The following NINL variants were observed in gnomAD, a reference collection of about 807,000 sequenced individuals.
NINL encodes the protein ninein like.
Under a neutral mutation model 160.3 loss-of-function variants are expected in NINL, and 153 were observed. The ratio of observed to expected loss-of-function variants is 0.95; its 90% CI spans 0.84 to 1.09. The LOEUF (loss-of-function observed/expected upper bound fraction) is 1.09, where lower values mean the gene tolerates loss of function less well. Among genes scored for constraint, NINL ranks in the 50% least tolerant of loss-of-function variants. NINL has a pLI of 0.00. For missense variants in NINL, 1,829 were observed against 1,764.0 expected, an observed-to-expected ratio of 1.04 and a Z score of -0.66; for synonymous variants, 800 against 734.8, an observed-to-expected ratio of 1.09 and a Z score of -1.43.
intron 14 of NINL, among the ~76,000 whole-genome samples, chr20:25,481,571 C>G (rs1373186882): frequency 6.6e-6 from 1 of 152,220 alleles, no homozygotes; most frequent in Non-Finnish European, 1.5e-5. Context: ...GCTACCACAT[C>G]ACCCAGAAGC....
rs1269575065 is a variant in NINL at position 25,479,174 on chromosome 20, C to T, written c.1950G>A (p.Leu650=). 1 of 1,611,026 alleles carries T rather than the reference C, an allele frequency of 6.2e-7. No individual in the cohort carries two copies. The change falls in exon 16 of 24, where the codon CTG becomes CTA. Residue 650 remains leucine, a synonymous_variant. Transcript: ENST00000278886. The part of the protein sequence containing the change: ...VNYYEREIAA[L]KRNFEKERKD... ...TCCTCTCCTTCTCAAAGTTCCTTTT[C>T]AGTGCCGCAATTTCCCTTTCGTAGT...
intron 8 of NINL, among the ~76,000 whole-genome samples, chr20:25,500,254 C>T (rs912192355): frequency 6.6e-6 from 1 of 152,228 alleles, no homozygotes; most frequent in African/African-American, 2.4e-5. Context: ...GGCCTGCATC[C>T]CTCTGGGAAG....
At chr20:25,455,385 A>G (rs1021963297) in intron 23 of NINL, among the ~76,000 whole-genome samples, 17 of 152,208 alleles carry the variant, frequency 1.1e-4, no homozygotes, top group Admixed American at 5.2e-4. Context: ...TCTCAGGTCT[A>G]CCTGGGAAAG....
rs757751638 is a variant in NINL at position 25,462,478 on chromosome 20, C to T, written c.3487G>A (p.Ala1163Thr). The change falls in exon 20 of 24, where the codon GCT becomes ACT. Residue 1163 changes from alanine to threonine, a missense_variant. Physicochemically the swap from Ala to Thr is moderately conservative, Grantham distance 58. Transcript: ENST00000278886. ...NVRVLQLGQEASTHQAQNEEH... is the reference protein window; with the variant it reads ...NVRVLQLGQETSTHQAQNEEH... Reference sequence around the variant, plus strand: ...TCGTTTTGGGCCTGGTGGGTAGAAGCCTCCTGTCCCAGTTGAAGAACCCTG... The same window carrying T: ...TCGTTTTGGGCCTGGTGGGTAGAAGTCTCCTGTCCCAGTTGAAGAACCCTG... The T allele has an allele frequency of 4.3e-6, 7 of 1,614,052 alleles. No homozygotes were observed. The African/African-American group carries it at 8.0e-5, about 18-fold the overall frequency.
At chr20:25,547,376 C>A (rs1297340769) in intron 1 of NINL, among the ~76,000 whole-genome samples, 1 of 152,160 alleles carries the variant, frequency 6.6e-6, no homozygotes, top group Non-Finnish European at 1.5e-5. Flanking sequence ...TTTCCTTGAG[C>A]TTTGCAAGCC....
chr20:25,562,582 G>A (rs1301573983), intron 1 of NINL, among the ~76,000 whole-genome samples: 4 of 136,094 alleles, frequency 2.9e-5, no homozygotes, highest in African/African-American at 1.1e-4. Context: ...TTGTTAAACA[G>A]ATGCTTGAAG....
At position 25,504,065 on chromosome 20, in the gene NINL, C is replaced by G; in HGVS notation, c.748G>C (p.Asp250His). Reference sequence around the variant, plus strand: ...AATTCCTCAAGACTCACTTTGCCGTCTCCGTCTTGATCCAGTTTGTTAAAC... The same window carrying G: ...AATTCCTCAAGACTCACTTTGCCGTGTCCGTCTTGATCCAGTTTGTTAAAC... ...DLFNKLDQDG[D>H]GKVSLEEFQL... Residue 250 changes from aspartate (D) to histidine (H), a missense_variant, in exon 7 of 24, where the codon GAC becomes CAC. By Grantham distance (81) the Asp-to-His change is moderately conservative (BLOSUM62 -1). Coordinates refer to ENST00000278886, the MANE Select transcript of NINL (RefSeq NM_025176.6). 6.2e-7 allele frequency: 1 copy of G among 1,603,836 alleles called. No homozygotes were observed. Among genetic ancestry groups the G allele is most frequent in the African/African-American group, 1.3e-5 (1 of 74,576 alleles).
chr20:25,559,315 A>G (rs2064905507), intron 1 of NINL, among the ~76,000 whole-genome samples: 1 of 152,118 alleles, frequency 6.6e-6, no homozygotes, highest in Non-Finnish European at 1.5e-5. Flanking sequence ...ATCTCGGCTC[A>G]CTGCAACCTC....
intron 4 of NINL, 139 bp from the exon 5 acceptor site, chr20:25,510,879 A>G: frequency 1.5e-6 from 1 of 668,336 alleles, no homozygotes; most frequent in Non-Finnish European, 2.6e-6. Flanking sequence ...GGAAAAGCCC[A>G]CCCCCACCTT....
chr20:25,509,574 A>C, intron 5 of NINL: 1 of 443,134 alleles, frequency 2.3e-6, no homozygotes, highest in South Asian at 1.6e-5. Context: ...GATTATGCCA[A>C]GCCTGCTGCA....
chr20:25,557,974 C>CAAA (rs3036848), intron 1 of NINL, among the ~76,000 whole-genome samples: 2 of 132,732 alleles, frequency 1.5e-5, no homozygotes, highest in Admixed American at 7.6e-5. Flanking sequence ...ACTAAAAATA[C>CAAA]AAAAAAAAAA....
At chr20:25,521,691 T>C (rs1395115356) in intron 2 of NINL, among the ~76,000 whole-genome samples, 2 of 152,200 alleles carry the variant, frequency 1.3e-5, no homozygotes, top group Admixed American at 6.5e-5. Flanking sequence ...CTGCAATTCA[T>C]CTTTACCCTA....
intron 2 of NINL, among the ~76,000 whole-genome samples, chr20:25,522,069 C>A (rs1453633851): frequency 6.6e-6 from 1 of 152,038 alleles, no homozygotes; most frequent in Non-Finnish European, 1.5e-5. Flanking sequence ...CCACCCCCAG[C>A]TAATTGTTTT....
chr20:25,517,458 T>C (rs766514759), intron 3 of NINL, among the ~76,000 whole-genome samples: 11 of 152,180 alleles, frequency 7.2e-5, no homozygotes, highest in Non-Finnish European at 1.6e-4. Context: ...CTTAGGGACA[T>C]AGCCTGTGTC....
intron 1 of NINL, among the ~76,000 whole-genome samples, chr20:25,550,742 C>T (rs1279494179): frequency 6.6e-6 from 1 of 152,210 alleles, no homozygotes; most frequent in African/African-American, 2.4e-5. Context: ...GCATGTCTCA[C>T]CTCCAGCCAT....
intron 14 of NINL, among the ~76,000 whole-genome samples, chr20:25,481,651 G>A (rs1601092203): frequency 6.6e-6 from 1 of 152,310 alleles, no homozygotes; most frequent in East Asian, 1.9e-4. Context: ...TGCATTCTCC[G>A]GGATTTAGCT....
chr20:25,556,898 G>A (rs749637409), intron 1 of NINL, among the ~76,000 whole-genome samples: 8 of 152,042 alleles, frequency 5.3e-5, no homozygotes, highest in Admixed American at 2.0e-4. Flanking sequence ...AACTACTAAG[G>A]GCAGATACCT....
At chr20:25,579,560 C>T (rs1237498466) in intron 1 of NINL, among the ~76,000 whole-genome samples, 1 of 152,154 alleles carries the variant, frequency 6.6e-6, no homozygotes, top group South Asian at 2.1e-4. Context: ...TCCTTCCTGT[C>T]CCCACACCCC....
In NINL at chr20:25,453,499, A is replaced by G; in HGVS notation, c.4101T>C (p.Ala1367=). Residue 1367 remains alanine, a synonymous_variant, in exon 24 of 24, where the codon GCT becomes GCC. Coordinates refer to ENST00000278886, the MANE Select transcript of NINL (RefSeq NM_025176.6). The stretch of plus-strand genomic sequence containing the variant: ...CAATCCTACTGACGAGTTTGTTGAG[A>G]GCGCGAACTTTTTCTTCCAAGAGGC... ...QSRLLEEKVR[A]LNKLVSRIAP... is the part of the protein sequence containing the mutation. 5.6e-6 allele frequency: 9 copies of G among 1,613,934 alleles called. No individual in the cohort carries two copies. The highest frequency in any genetic ancestry group is 7.6e-6 in the Non-Finnish European group (9 of 1,179,932).
Sources: gnomAD v4.1 joint callset for allele counts (sites outside exome capture counted in the v4.1 genomes callset) on GRCh38, gnomAD v4.1.1 for gene constraint, MANE v1.5 for transcripts, NCBI Gene and HGNC (gene_info 2026-07-23, HGNC 2026-07-21) for gene names.